PRICKLE1: variants seen among roughly 807,000 people sequenced by gnomAD.
The protein encoded by PRICKLE1 is prickle-like protein 1.
In PRICKLE1, 14 loss-of-function variants were observed where a neutral mutation model predicts 70.2. That is an observed-to-expected ratio of 0.20 (90% CI 0.13 to 0.31). PRICKLE1 has a LOEUF of 0.31. Ranked by LOEUF, PRICKLE1 falls within the 10% of genes least tolerant of loss-of-function variation. The pLI is 1.00. For synonymous variants in PRICKLE1, 357 were observed against 379.9 expected (o/e 0.94, Z 0.70); for missense variants, 821 against 1,026.2 (o/e 0.80, Z 2.73).
rs1214248453 is a variant in PRICKLE1, at chr12:42,495,400, A to AAG, written c.-48-22838_-48-22837dup. ...TGTCTCAAAAAAAAAAAAAAAAAAA[A>AAG]AGAGAGAGAGAGAGAGAGGTGTTGC... On this transcript the variant is annotated intron_variant, in intron 1 of 7. Coordinates refer to ENST00000345127, the MANE Select transcript of PRICKLE1 (RefSeq NM_153026.3). Among the ~76,000 whole-genome samples the AAG allele has an allele frequency of 2.6e-3, 353 of 136,508 alleles. 2 individuals are homozygous for AAG. The highest frequency in any genetic ancestry group is 5.8e-3 in the African/African-American group (189 of 32,444). 89.6% of individuals were successfully genotyped at this position (136,508 alleles called of 152,430 possible). A position where few individuals can be genotyped will look rare whatever the true frequency, so the allele number is the denominator to read the frequency against.
chr12:42,510,157 C>T (rs1193773457), intron 1 of PRICKLE1, among the ~76,000 whole-genome samples: 8 of 151,894 alleles, frequency 5.3e-5, no homozygotes, highest in Admixed American at 5.2e-4. Flanking sequence ...TGCAGTGGCG[C>T]CATCTCTGCT....
At chr12:42,477,716 T>C (rs1938624045) in intron 1 of PRICKLE1, among the ~76,000 whole-genome samples, 1 of 151,840 alleles carries the variant, frequency 6.6e-6, no homozygotes. Flanking sequence ...AAGCCAAGCA[T>C]ATGAGACCAC....
intron 1 of PRICKLE1, among the ~76,000 whole-genome samples, chr12:42,587,630 G>A (rs1941005288): frequency 1.3e-5 from 2 of 152,180 alleles, no homozygotes; most frequent in African/African-American, 4.8e-5. Context: ...AAACCCTCTG[G>A]TACCAGCAGG....
intron 1 of PRICKLE1, among the ~76,000 whole-genome samples, chr12:42,474,347 T>C (rs932577447): frequency 1.3e-5 from 2 of 152,182 alleles, no homozygotes; most frequent in African/African-American, 4.8e-5. Flanking sequence ...ATTGAGAAAA[T>C]TAACATTGTA....
chr12:42,547,850 A>T (rs1433886298), intron 1 of PRICKLE1, among the ~76,000 whole-genome samples: 4 of 152,170 alleles, frequency 2.6e-5, no homozygotes, highest in Non-Finnish European at 4.4e-5. Flanking sequence ...ACTTGGGAGA[A>T]GAAGTGTTTT....
At chr12:42,473,365 G>A (rs1190066551) in intron 1 of PRICKLE1, among the ~76,000 whole-genome samples, 2 of 152,158 alleles carry the variant, frequency 1.3e-5, no homozygotes, top group African/African-American at 4.8e-5. Context: ...TGTGTGAAAT[G>A]TCATCAGCCT....
At chr12:42,461,885 G>A (rs1247921397) in intron 7 of PRICKLE1, among the ~76,000 whole-genome samples, 3 of 151,982 alleles carry the variant, frequency 2.0e-5, no homozygotes, top group African/African-American at 7.3e-5. Context: ...TGCAAGCTCC[G>A]CCTCCTGGGT....
intron 1 of PRICKLE1, among the ~76,000 whole-genome samples, chr12:42,490,720 C>T (rs933282307): frequency 1.3e-5 from 2 of 152,078 alleles, no homozygotes; most frequent in Admixed American, 6.6e-5. Flanking sequence ...CCAGACATTC[C>T]TAAATGAGTC....
intron 1 of PRICKLE1, among the ~76,000 whole-genome samples, chr12:42,559,631 TTTTTTGGGG>T (rs1432558908): frequency 1.0e-5 from 1 of 97,024 alleles, no homozygotes. Context: ...TATATTTTTT[TTTTTTGGGG>T]GGGGTAGAGA....
intron 1 of PRICKLE1, among the ~76,000 whole-genome samples, chr12:42,518,088 CAG>C (rs762715109): frequency 6.7e-6 from 1 of 149,474 alleles, no homozygotes; most frequent in Non-Finnish European, 1.5e-5. Flanking sequence ...TTAAGAAGAT[CAG>C]AAGTTTCTGA....
At chr12:42,554,435 G>T (rs1940380161) in intron 1 of PRICKLE1, among the ~76,000 whole-genome samples, 1 of 152,214 alleles carries the variant, frequency 6.6e-6, no homozygotes, top group African/African-American at 2.4e-5. Context: ...GGTAGTTGGA[G>T]AAAAATTCTA....
At chr12:42,527,128 C>CTTTTTTTTTTTTTTTTTT (rs386376309) in intron 1 of PRICKLE1, among the ~76,000 whole-genome samples, 1 of 100,776 alleles carries the variant, frequency 9.9e-6, no homozygotes, top group Non-Finnish European at 1.8e-5. Flanking sequence ...TTTTTTTCCT[C>CTTTTTTTTTTTTTTTTTT]TTTTTTTTTT....
At chr12:42,471,966 G>A (rs923038689) in intron 2 of PRICKLE1, among the ~76,000 whole-genome samples, 50 of 152,272 alleles carry the variant, frequency 3.3e-4, no homozygotes, top group South Asian at 6.2e-4. Flanking sequence ...TCACTATCTC[G>A]CTTCCAAAGC....
intron 1 of PRICKLE1, among the ~76,000 whole-genome samples, chr12:42,583,318 C>A (rs1244958229): frequency 6.6e-6 from 1 of 152,150 alleles, no homozygotes; most frequent in African/African-American, 2.4e-5. Context: ...ATGTGTCTGG[C>A]AAGCTAGGGT....
chr12:42,462,269 C>T (rs940368896), intron 7 of PRICKLE1, among the ~76,000 whole-genome samples: 1 of 151,596 alleles, frequency 6.6e-6, no homozygotes, highest in Non-Finnish European at 1.5e-5. Flanking sequence ...GGTATGATCT[C>T]GGCTCACTGC....
chr12:42,554,378 C>A (rs1438488805), intron 1 of PRICKLE1, among the ~76,000 whole-genome samples: 1 of 152,100 alleles, frequency 6.6e-6, no homozygotes, highest in Non-Finnish European at 1.5e-5. Flanking sequence ...CATAATTTTA[C>A]ATTGAAAACT....
At chr12:42,563,975 C>A (rs1940574162) in intron 1 of PRICKLE1, among the ~76,000 whole-genome samples, 1 of 151,780 alleles carries the variant, frequency 6.6e-6, no homozygotes, top group South Asian at 2.1e-4. Flanking sequence ...ATGTCTCTTT[C>A]CAGCCAAGTG....
chr12:42,560,322 T>C (rs1177561047), intron 1 of PRICKLE1, among the ~76,000 whole-genome samples: 1 of 151,820 alleles, frequency 6.6e-6, no homozygotes, highest in Non-Finnish European at 1.5e-5. Context: ...TTAGTAGAGA[T>C]GGAGTTTCAC....
intron 1 of PRICKLE1, among the ~76,000 whole-genome samples, 194 bp from the exon 2 acceptor site, chr12:42,472,758 G>T (rs1415987512): frequency 3.3e-5 from 5 of 152,252 alleles, no homozygotes; most frequent in Non-Finnish European, 4.4e-5. Flanking sequence ...TTTGGTAGTA[G>T]TCTCTTTGCC....
Sources: gnomAD v4.1 joint callset for allele counts (sites outside exome capture counted in the v4.1 genomes callset) on GRCh38, gnomAD v4.1.1 for gene constraint, MANE v1.5 for transcripts, NCBI Gene and HGNC (gene_info 2026-07-23, HGNC 2026-07-21) for gene names.